ABHD5: variants seen among roughly 807,000 people sequenced by gnomAD.
ABHD5 encodes abhydrolase domain containing 5, lysophosphatidic acid acyltransferase.
ABHD5 carries 30 observed loss-of-function variants against 44.9 expected under a neutral mutation model. The observed-to-expected ratio is 0.67, with a 90% CI of 0.50 to 0.91. The LOEUF is 0.91. ABHD5 is among the 40% of genes least tolerant of loss of function. ABHD5 has a pLI of 0.00. For synonymous variants in ABHD5, 167 were observed against 147.0 expected, an observed-to-expected ratio of 1.14 and a Z score of -0.99; for missense variants, 399 against 423.4, an observed-to-expected ratio of 0.94 and a Z score of 0.50.
At chr3:43,700,085 G>A (rs1274121402) in intron 2 of ABHD5, among the ~76,000 whole-genome samples, 2 of 152,146 alleles carry the variant, frequency 1.3e-5, no homozygotes, top group African/African-American at 4.8e-5. Flanking sequence ...AGGTAACTTG[G>A]TCTAGGCCCA....
rs560352118 is a variant in ABHD5 at position 43,718,710 on chromosome 3, G to C, written c.*178G>C. On this transcript the variant is annotated 3_prime_UTR_variant, in exon 7 of 7. Coordinates refer to ENST00000644371, the MANE Select transcript of ABHD5 (RefSeq NM_016006.6). ...CATTTAAACCAGTTAGTGCCTTCTAGAAGAATGGCTTTCCTTTCTCCTACA... is the reference window on the plus strand; with the variant it reads ...CATTTAAACCAGTTAGTGCCTTCTACAAGAATGGCTTTCCTTTCTCCTACA... 6.2e-5 allele frequency: 39 copies of C among 627,312 alleles called. No individual in the cohort carries two copies. The African/African-American group carries it at 6.8e-4, about 11-fold the overall frequency. 38.9% of individuals were successfully genotyped at this position (627,312 alleles called of 1,614,324 possible).
intron 2 of ABHD5, chr3:43,699,761 A>G (rs1196957834): frequency 1.2e-5 from 2 of 173,902 alleles, no homozygotes; most frequent in Non-Finnish European, 2.5e-5. Flanking sequence ...AAGAAAAAAA[A>G]TACTTTCCAA....
chr3:43,696,634 C>T (rs1308698441), intron 1 of ABHD5, among the ~76,000 whole-genome samples: 2 of 152,122 alleles, frequency 1.3e-5, no homozygotes, highest in Admixed American at 1.3e-4. Context: ...CAGGAATCAA[C>T]TAAAGGGTGG....
At chr3:43,704,430 A>T (rs1281011245) in intron 3 of ABHD5, among the ~76,000 whole-genome samples, 1 of 152,234 alleles carries the variant, frequency 6.6e-6, no homozygotes, top group African/African-American at 2.4e-5. Context: ...CTTTTCTGGT[A>T]CAAGTCAACA....
chr3:43,691,122 C>G, intron 1 of ABHD5, 83 bp downstream of exon 1: 1 of 1,314,526 alleles, frequency 7.6e-7, no homozygotes, highest in Non-Finnish European at 9.8e-7. Flanking sequence ...CGGGCAGCAC[C>G]AAGGAGTCGC....
At chr3:43,691,315 C>T (rs2084376333) in intron 1 of ABHD5, 4 of 320,570 alleles carry the variant, frequency 1.2e-5, no homozygotes, top group South Asian at 1.4e-4. Context: ...GGAGGGTCCG[C>T]CCCGTTGTTG....
chr3:43,698,158 T>A (rs976936445), intron 1 of ABHD5, among the ~76,000 whole-genome samples: 2 of 152,218 alleles, frequency 1.3e-5, no homozygotes, highest in Non-Finnish European at 2.9e-5. Flanking sequence ...CTTACTCTTG[T>A]GTTGTCTGTC....
intron 5 of ABHD5, among the ~76,000 whole-genome samples, chr3:43,717,074 G>A (rs1444252026): frequency 6.6e-6 from 1 of 152,138 alleles, no homozygotes; most frequent in Non-Finnish European, 1.5e-5. Flanking sequence ...AGGAGGCTGA[G>A]GCAGGAGAAT....
downstream of ABHD5, chr3:43,722,754 T>G (rs2084851319): frequency 6.6e-6 from 1 of 152,198 alleles, no homozygotes; most frequent in Non-Finnish European, 1.5e-5. Context: ...AGCAATGATA[T>G]TGGTAGTGTC....
At chr3:43,711,167 A>G (rs530298887) in intron 3 of ABHD5, among the ~76,000 whole-genome samples, 15 of 152,318 alleles carry the variant, frequency 9.8e-5, no homozygotes, top group Admixed American at 3.9e-4. Flanking sequence ...CGTTATCCTC[A>G]TGTTTATGAA....
Position 43,720,759 on chromosome 3 carries a change from A to T in ABHD5, c.*2227A>T, listed in dbSNP as rs1423529246. 6.6e-6 allele frequency: 1 copy of T among 152,206 alleles called. No individual in the cohort carries two copies. 9.4% of individuals were successfully genotyped at this position (152,206 alleles called of 1,614,324 possible). On this transcript the variant is annotated 3_prime_UTR_variant, in exon 7 of 7. Transcript: ENST00000644371. ...ACCAGTCTCTGTATAATAGTTAACT[A>T]CAGGACTGTGGATCCAGCAAATGTT...
At chr3:43,692,716 A>G (rs1028903223) in intron 1 of ABHD5, among the ~76,000 whole-genome samples, 1 of 152,170 alleles carries the variant, frequency 6.6e-6, no homozygotes, top group African/African-American at 2.4e-5. Context: ...AAAGGCTGCT[A>G]ACAGCCTGCC....
chr3:43,693,918 C>G (rs1372485948), intron 1 of ABHD5, among the ~76,000 whole-genome samples: 4 of 151,966 alleles, frequency 2.6e-5, no homozygotes, highest in Non-Finnish European at 5.9e-5. Context: ...GGTAATGTTT[C>G]TAATTGTCAG....
chr3:43,708,535 C>T (rs543109323), intron 3 of ABHD5, among the ~76,000 whole-genome samples: 1 of 152,266 alleles, frequency 6.6e-6, no homozygotes, highest in Non-Finnish European at 1.5e-5. Context: ...TCCATGTTCC[C>T]GGGAATAAAT....
At chr3:43,724,426 T>C (rs1445195691), downstream of ABHD5, among the ~76,000 whole-genome samples, 3 of 152,080 alleles carry the variant, frequency 2.0e-5, no homozygotes, top group Admixed American at 2.0e-4. Flanking sequence ...GCAAAATTGT[T>C]AAGTGCTTCA....
At chr3:43,709,434 T>C (rs1476006115) in intron 3 of ABHD5, among the ~76,000 whole-genome samples, 1 of 152,262 alleles carries the variant, frequency 6.6e-6, no homozygotes, top group Non-Finnish European at 1.5e-5. Flanking sequence ...AACAGTCACT[T>C]ACCTACAGAC....
chr3:43,714,137 C>CT (rs542982546), intron 4 of ABHD5, among the ~76,000 whole-genome samples: 5,728 of 136,798 alleles, frequency 0.042, 355 homozygotes, highest in African/African-American at 0.13. Flanking sequence ...TTCTTTTTTT[C>CT]TTTTTTTTTT....
intron 1 of ABHD5, 42 bp downstream of exon 1, chr3:43,691,081 C>G (rs766507723): frequency 6.6e-7 from 1 of 1,508,974 alleles, no homozygotes; most frequent in Non-Finnish European, 8.9e-7. Context: ...CTCCGGCGCG[C>G]ACCCTCCGCG....
At chr3:43,724,404 A>G (rs1025929513), downstream of ABHD5, among the ~76,000 whole-genome samples, 8 of 152,166 alleles carry the variant, frequency 5.3e-5, no homozygotes, top group South Asian at 2.1e-4. Context: ...TCATTTCACA[A>G]TACTGTATAT....
Sources: allele counts gnomAD v4.1 joint callset (sites outside exome capture counted in the v4.1 genomes callset), GRCh38; gene constraint gnomAD v4.1.1; transcripts MANE v1.5; gene names NCBI Gene and HGNC (gene_info 2026-07-23, HGNC 2026-07-21).